The following COL23A1 variants were observed in gnomAD, a reference collection of about 807,000 sequenced individuals.
COL23A1 encodes the protein collagen type XXIII alpha 1 chain.
In COL23A1, 97 loss-of-function variants were observed where a neutral mutation model predicts 99.3. The observed-to-expected ratio is 0.98, with a 90% CI of 0.83 to 1.16. COL23A1 has a LOEUF of 1.16. Ranked by LOEUF, COL23A1 falls within the 50% of genes most tolerant of loss-of-function variation. COL23A1 has a pLI of 0.00. For synonymous variants in COL23A1, 320 were observed against 308.2 expected, an observed-to-expected ratio of 1.04 and a Z score of -0.40; for missense variants, 762 against 757.4, an observed-to-expected ratio of 1.01 and a Z score of -0.07.
chr5:178,310,851 CTTCT>C lies in COL23A1; in HGVS notation c.362-3936_362-3933del. Among the ~76,000 whole-genome samples the C allele has an allele frequency of 6.6e-6, 1 of 152,082 alleles. No individual in the cohort carries two copies. On this transcript the variant is annotated intron_variant, in intron 2 of 28. Coordinates refer to ENST00000390654, the MANE Select transcript of COL23A1 (RefSeq NM_173465.4). The surrounding 1 kb of genome is among the most constrained non-coding windows in gnomAD (Gnocchi z 4.3). ...GAGTTTTTGCTTGTTTCTTGTTTTTCTTCTTTCTACAAGCAGAAGAACCTTTCCT... is the reference window on the plus strand; with the variant it reads ...GAGTTTTTGCTTGTTTCTTGTTTTTCTTCTACAAGCAGAAGAACCTTTCCT...
At chr5:178,520,798 G>C (rs1270939686) in intron 2 of COL23A1, among the ~76,000 whole-genome samples, 2 of 152,166 alleles carry the variant, frequency 1.3e-5, no homozygotes, top group African/African-American at 4.8e-5. Flanking sequence ...ATACAGCCTG[G>C]TTTATAGCAA....
intron 2 of COL23A1, among the ~76,000 whole-genome samples, chr5:178,398,753 T>C (rs138003715): frequency 0.011 from 1,625 of 152,368 alleles, 13 homozygotes; most frequent in Middle Eastern, 0.071. Flanking sequence ...TCACTATTTA[T>C]TATGAAATTA....
At chr5:178,438,347 G>A (rs1321628256) in intron 2 of COL23A1, among the ~76,000 whole-genome samples, 1 of 152,214 alleles carries the variant, frequency 6.6e-6, no homozygotes, top group Non-Finnish European at 1.5e-5. Flanking sequence ...GTATGTAGGA[G>A]CTATCATATT....
chr5:178,269,148 C>A (rs927105297), intron 6 of COL23A1, among the ~76,000 whole-genome samples: 1 of 152,020 alleles, frequency 6.6e-6, no homozygotes, highest in Non-Finnish European at 1.5e-5. Context: ...GAGAAGCAGG[C>A]AGTAGACAGA....
chr5:178,249,716 A>ACACACTCTCACTCTCTCTCTCT, intron 18 of COL23A1, among the ~76,000 whole-genome samples: 1 of 92,752 alleles, frequency 1.1e-5, no homozygotes. Context: ...ACACACACAC[A>ACACACTCTCACTCTCTCTCTCT]CTCTCTCTCT....
At position 178,365,864 on chromosome 5, in the gene COL23A1, T is replaced by C. The variant is rs75925268; in HGVS notation, c.362-58945A>G. On this transcript the variant is annotated intron_variant, in intron 2 of 28. Coordinates refer to ENST00000390654, the MANE Select transcript of COL23A1 (RefSeq NM_173465.4). This position sits in a 1 kb window ranked among gnomAD's most constrained non-coding sequence, Gnocchi z 5.2. Reference sequence around the variant, plus strand: ...ATGGTCTCCTGGCCACATGGGGAGCTCCTCGAGGGCAAGGCCTGGGAACAT... The same window carrying C: ...ATGGTCTCCTGGCCACATGGGGAGCCCCTCGAGGGCAAGGCCTGGGAACAT... 0.051 allele frequency among the ~76,000 whole-genome samples: 7,717 copies of C among 151,938 alleles called. 572 individuals carry two copies. The highest frequency in any genetic ancestry group is 0.4 in the East Asian group (2,042 of 5,132).
At chr5:178,473,150 A>C (rs1438239423) in intron 2 of COL23A1, among the ~76,000 whole-genome samples, 1 of 152,170 alleles carries the variant, frequency 6.6e-6, no homozygotes, top group African/African-American at 2.4e-5. Context: ...ATCATAATAA[A>C]AATCACAACA....
At chr5:178,350,618 G>C (rs979091289) in intron 2 of COL23A1, among the ~76,000 whole-genome samples, 1 of 152,218 alleles carries the variant, frequency 6.6e-6, no homozygotes, top group African/African-American at 2.4e-5. Context: ...AGCCACAGAG[G>C]AAGTGTGGAT....
Position 178,434,243 on chromosome 5 carries a change from T to C in COL23A1, c.361+126439A>G, listed in dbSNP as rs931626257. Among the ~76,000 whole-genome samples the C allele has an allele frequency of 6.6e-6, 1 of 152,214 alleles. No homozygotes were observed. The highest frequency in any genetic ancestry group is 1.5e-5 in the Non-Finnish European group (1 of 68,032). On this transcript the variant is annotated intron_variant, in intron 2 of 28. Transcript: ENST00000390654. The surrounding 1 kb of genome is among the most constrained non-coding windows in gnomAD (Gnocchi z 4.3). ...CACACACTGATGCCCCAGGTCACACTGTGGGTCAGTGGCAGGCTGGGCTTT... is the reference window on the plus strand; with the variant it reads ...CACACACTGATGCCCCAGGTCACACCGTGGGTCAGTGGCAGGCTGGGCTTT...
chr5:178,293,979 C>T (rs898608010), intron 3 of COL23A1, among the ~76,000 whole-genome samples: 1 of 151,990 alleles, frequency 6.6e-6, no homozygotes, highest in African/African-American at 2.4e-5. Context: ...GGAATTCACC[C>T]AGAAGTACTG....
chr5:178,257,669 T>G, intron 12 of COL23A1, 102 bp from the exon 13 acceptor site: 1 of 1,226,890 alleles, frequency 8.2e-7, no homozygotes, highest in Non-Finnish European at 1.2e-6. Context: ...TCCTGGCATC[T>G]GCACTGGCAC....
rs148514154 is a variant in COL23A1, at chr5:178,566,964, T to C, written c.295-6216A>G. Among the ~76,000 whole-genome samples the C allele has an allele frequency of 1.0e-3, 156 of 152,062 alleles. 2 individuals are homozygous for C. The highest frequency in any genetic ancestry group is 3.6e-3 in the African/African-American group (149 of 41,468). On this transcript the variant is annotated intron_variant, in intron 1 of 28. Transcript: ENST00000390654. ...AAACTACTTTATATACACATTAGGG[T>C]TGAACAGATAAGTAAACAAATTATG...
At chr5:178,440,121 T>C (rs572667300) in intron 2 of COL23A1, among the ~76,000 whole-genome samples, 1 of 152,304 alleles carries the variant, frequency 6.6e-6, no homozygotes, top group African/African-American at 2.4e-5. Flanking sequence ...CTAAAAATCA[T>C]GGCCCTGTCC....
chr5:178,523,201 T>TATATATATATATATAG (rs1223542330), intron 2 of COL23A1, among the ~76,000 whole-genome samples: 21 of 77,618 alleles, frequency 2.7e-4, no homozygotes, highest in Non-Finnish European at 4.8e-4. Context: ...TATATATATA[T>TATATATATATATATAG]AGAGAGAGAG....
chr5:178,490,449 G>T (rs377501990), intron 2 of COL23A1, among the ~76,000 whole-genome samples: 1 of 152,062 alleles, frequency 6.6e-6, no homozygotes, highest in African/African-American at 2.4e-5. Context: ...AAGGGAGGAC[G>T]CGTGGGAAGT....
chr5:178,238,525 T>C lies in COL23A1; in HGVS notation c.*173A>G. ...CATCTCCCTGGTCTGGCCTGTCCAC[T>C]TTCCGGCAGCTTCACATGCCGGTGG... On this transcript the variant is annotated 3_prime_UTR_variant, in exon 29 of 29. Transcript: ENST00000390654. 2 of 830,820 alleles carry C rather than the reference T, an allele frequency of 2.4e-6. No individual in the cohort carries two copies. The highest frequency in any genetic ancestry group is 1.7e-5 in the South Asian group (1 of 60,470). 51.5% of individuals were successfully genotyped at this position (830,820 alleles called of 1,614,324 possible). A position where few individuals can be genotyped will look rare whatever the true frequency, so the allele number is the denominator to read the frequency against.
chr5:178,518,433 T>C (rs1347661965), intron 2 of COL23A1, among the ~76,000 whole-genome samples: 6 of 145,978 alleles, frequency 4.1e-5, no homozygotes, highest in Non-Finnish European at 7.4e-5. Flanking sequence ...GACGGGGTGG[T>C]GGCCGGGCAG....
At chr5:178,566,626 G>A (rs1358963931) in intron 1 of COL23A1, among the ~76,000 whole-genome samples, 2 of 152,076 alleles carry the variant, frequency 1.3e-5, no homozygotes, top group Non-Finnish European at 2.9e-5. Flanking sequence ...GACCAGCCTG[G>A]CCAACATGAT....
chr5:178,425,412 A>T (rs918642988), intron 2 of COL23A1, among the ~76,000 whole-genome samples: 2 of 149,816 alleles, frequency 1.3e-5, no homozygotes, highest in Non-Finnish European at 3.0e-5. Context: ...ACAGAGCAAG[A>T]CTCCATCTCA....
Sources: gnomAD v4.1 joint callset for allele counts (sites outside exome capture counted in the v4.1 genomes callset) on GRCh38, gnomAD v4.1.1 for gene constraint, Gnocchi (gnomAD v3.1) non-coding constraint, MANE v1.5 for transcripts, NCBI Gene and HGNC (gene_info 2026-07-23, HGNC 2026-07-21) for gene names.